Variants in CDH13 observed in about 807,000 individuals in gnomAD.
The protein encoded by CDH13 is cadherin-13.
Under a neutral mutation model 63.8 loss-of-function variants are expected in CDH13, and 24 were observed. That is an observed-to-expected ratio of 0.38 (90% CI 0.27 to 0.53). The LOEUF is 0.53. Ranked by LOEUF, CDH13 falls within the 20% of genes least tolerant of loss-of-function variation. The pLI is 0.85. For synonymous variants in CDH13, 503 were observed against 355.3 expected (o/e 1.42, Z -4.67); for missense variants, 1,049 against 903.1 (o/e 1.16, Z -2.07).
chr16:83,130,282 G>A (rs542746346), intron 4 of CDH13, among the ~76,000 whole-genome samples: 1 of 152,314 alleles, frequency 6.6e-6, no homozygotes, highest in South Asian at 2.1e-4. Flanking sequence ...AGACTCAGGG[G>A]TGACGTAACC....
chr16:83,526,501 T>C (rs1446641308), intron 7 of CDH13, among the ~76,000 whole-genome samples: 4 of 152,096 alleles, frequency 2.6e-5, no homozygotes, highest in Admixed American at 6.5e-5. Context: ...CACAATAGGT[T>C]TTGCACTCCT....
intron 7 of CDH13, among the ~76,000 whole-genome samples, chr16:83,559,300 G>A (rs1417338411): frequency 6.6e-6 from 1 of 152,160 alleles, no homozygotes; most frequent in Non-Finnish European, 1.5e-5. Flanking sequence ...GGCCAGACAT[G>A]GTGGTTCACA....
At chr16:82,963,855 C>T (rs1468883967) in intron 2 of CDH13, among the ~76,000 whole-genome samples, 1 of 152,162 alleles carries the variant, frequency 6.6e-6, no homozygotes, top group East Asian at 1.9e-4. Flanking sequence ...ACTCATGATC[C>T]TACGGGAGCA....
intron 4 of CDH13, among the ~76,000 whole-genome samples, chr16:83,192,334 G>A (rs899426328): frequency 6.6e-6 from 1 of 152,202 alleles, no homozygotes; most frequent in African/African-American, 2.4e-5. Flanking sequence ...ATTCACTTCT[G>A]CAGAGAGCAG....
intron 3 of CDH13, among the ~76,000 whole-genome samples, chr16:83,124,238 G>T (rs1344710808): frequency 6.6e-6 from 1 of 152,072 alleles, no homozygotes; most frequent in Non-Finnish European, 1.5e-5. Context: ...TTGAGACCTG[G>T]TTTCACCATG....
intron 13 of CDH13, chr16:83,789,843 T>A (rs944416037): frequency 6.6e-6 from 1 of 152,062 alleles, no homozygotes; most frequent in Admixed American, 6.6e-5. Context: ...CAGCCGCGCC[T>A]ATCATTTCCA....
At chr16:83,328,809 A>T (rs1023942173) in intron 5 of CDH13, among the ~76,000 whole-genome samples, 3 of 152,162 alleles carry the variant, frequency 2.0e-5, no homozygotes, top group Admixed American at 6.5e-5. Context: ...TTCCTCTCTC[A>T]CAAAGACAGT....
chr16:82,689,671 C>T (rs1017028973), intron 1 of CDH13, among the ~76,000 whole-genome samples: 1 of 151,978 alleles, frequency 6.6e-6, no homozygotes, highest in Admixed American at 6.6e-5. Context: ...TGTGCATAGC[C>T]CCCTCCCGTT....
chr16:83,255,017 T>C (rs960650062), intron 5 of CDH13, among the ~76,000 whole-genome samples: 1 of 115,508 alleles, frequency 8.7e-6, no homozygotes, highest in African/African-American at 3.1e-5. Context: ...CTTTCTTTTT[T>C]GCAGCTGATC....
chr16:82,835,999 A>G (rs2038751976), intron 1 of CDH13, among the ~76,000 whole-genome samples: 1 of 152,094 alleles, frequency 6.6e-6, no homozygotes, highest in African/African-American at 2.4e-5. Context: ...GCCATGATTC[A>G]CTCACAGCAT....
At chr16:83,086,165 G>A (rs1317816384) in intron 3 of CDH13, among the ~76,000 whole-genome samples, 2 of 152,154 alleles carry the variant, frequency 1.3e-5, no homozygotes, top group African/African-American at 4.8e-5. Flanking sequence ...GTGTCTTCCA[G>A]TTCACTACAT....
intron 10 of CDH13, among the ~76,000 whole-genome samples, chr16:83,714,410 C>A (rs752791195): frequency 6.6e-6 from 1 of 152,096 alleles, no homozygotes; most frequent in Non-Finnish European, 1.5e-5. Context: ...CTGAAGTGAC[C>A]GCATACCTAG....
At chr16:82,633,484 A>G (rs1471294345) in intron 1 of CDH13, among the ~76,000 whole-genome samples, 2 of 152,292 alleles carry the variant, frequency 1.3e-5, no homozygotes, top group East Asian at 1.9e-4. Context: ...GGTTTAAGCA[A>G]TTCTGTGCCT....
intron 3 of CDH13, among the ~76,000 whole-genome samples, chr16:83,074,605 A>G (rs1394372948): frequency 6.6e-6 from 1 of 152,180 alleles, no homozygotes; most frequent in Admixed American, 6.5e-5. Context: ...ATACTAATTT[A>G]CTTTTACACC....
chr16:83,060,654 C>G lies in CDH13; in HGVS notation c.366+28436C>G, dbSNP rs187809715. On this transcript the variant is annotated intron_variant, in intron 3 of 13. Coordinates refer to ENST00000567109, the MANE Select transcript of CDH13 (RefSeq NM_001257.5). ...TTGAGCTCAGATCTGAATCCAGAGC[C>G]TGCATGCCTAACCGCAGTGCAATGC... 8.5e-4 allele frequency among the ~76,000 whole-genome samples: 129 copies of G among 152,340 alleles called. 1 individual carries two copies. Among genetic ancestry groups the G allele is most frequent in the African/African-American group, 2.8e-3 (115 of 41,580 alleles).
chr16:83,575,592 A>G (rs983786577), intron 7 of CDH13, among the ~76,000 whole-genome samples: 1 of 152,100 alleles, frequency 6.6e-6, no homozygotes, highest in Non-Finnish European at 1.5e-5. Flanking sequence ...GCCTTTGCAC[A>G]TGCTATTCAT....
intron 11 of CDH13, among the ~76,000 whole-genome samples, chr16:83,756,896 C>T (rs1567575457): frequency 6.6e-6 from 1 of 152,126 alleles, no homozygotes; most frequent in Admixed American, 6.5e-5. Flanking sequence ...AGGAGTAAAG[C>T]TGTAAAAGAT....
chr16:83,532,275 G>A (rs1261156663), intron 7 of CDH13, among the ~76,000 whole-genome samples: 2 of 152,142 alleles, frequency 1.3e-5, no homozygotes, highest in Non-Finnish European at 2.9e-5. Context: ...AGCTCATACA[G>A]TGTAGAAGTC....
At chr16:82,698,192 T>A (rs2030564247) in intron 1 of CDH13, among the ~76,000 whole-genome samples, 1 of 152,226 alleles carries the variant, frequency 6.6e-6, no homozygotes, top group African/African-American at 2.4e-5. Context: ...GCTCTTGAAT[T>A]CTAAGGCAGT....
Sources: gnomAD v4.1 joint callset for allele counts (sites outside exome capture counted in the v4.1 genomes callset) on GRCh38, gnomAD v4.1.1 for gene constraint, MANE v1.5 for transcripts, NCBI Gene and HGNC (gene_info 2026-07-23, HGNC 2026-07-21) for gene names.